Variants in UBE2H observed in about 807,000 individuals in gnomAD.
UBE2H encodes ubiquitin-conjugating enzyme E2 H.
A neutral mutation model predicts 29.0 loss-of-function variants in UBE2H; 3 were observed. That is an observed-to-expected ratio of 0.10 (90% CI 0.05 to 0.27). The LOEUF is 0.27. UBE2H is among the 10% of genes least tolerant of loss of function. The pLI is 1.00. For synonymous variants in UBE2H, 69 were observed against 82.9 expected, an observed-to-expected ratio of 0.83 and a Z score of 0.91; for missense variants, 68 against 228.2, an observed-to-expected ratio of 0.30 and a Z score of 4.52.
At chr7:129,838,221 C>T (rs1805365559) in intron 6 of UBE2H, among the ~76,000 whole-genome samples, 1 of 152,198 alleles carries the variant, frequency 6.6e-6, no homozygotes, top group African/African-American at 2.4e-5. Flanking sequence ...ATCTCAACAA[C>T]AGCTCCAAAC....
intron 1 of UBE2H, among the ~76,000 whole-genome samples, chr7:129,895,806 G>A (rs533847392): frequency 4.0e-5 from 6 of 151,732 alleles, no homozygotes; most frequent in Non-Finnish European, 7.4e-5. Context: ...GGAGAATGGC[G>A]TGGAGCTTGC....
intron 3 of UBE2H, among the ~76,000 whole-genome samples, chr7:129,862,505 A>G (rs967495349): frequency 6.6e-6 from 1 of 152,194 alleles, no homozygotes. Flanking sequence ...AAAGGAGGAA[A>G]ACAGAAATGG....
At chr7:129,928,118 G>T (rs1179198889) in intron 1 of UBE2H, among the ~76,000 whole-genome samples, 2 of 151,248 alleles carry the variant, frequency 1.3e-5, no homozygotes, top group African/African-American at 4.9e-5. Context: ...GGATCATGAG[G>T]TCTGGGGTTC....
chr7:129,852,208 T>C (rs1458401237), intron 5 of UBE2H, among the ~76,000 whole-genome samples: 1 of 152,222 alleles, frequency 6.6e-6, no homozygotes, highest in Non-Finnish European at 1.5e-5. Flanking sequence ...AAAGCATTAT[T>C]TTAAGATATA....
Position 129,834,739 on chromosome 7 carries a change from T to C in UBE2H, c.*198A>G. On this transcript the variant is annotated 3_prime_UTR_variant, in exon 7 of 7. Coordinates refer to ENST00000355621, the MANE Select transcript of UBE2H (RefSeq NM_003344.4). ...TGCTACCAAATGGAATGTGGGAATA[T>C]GCTATGCACCTCAGGTTGAGAAATG... 1 of 593,238 alleles carries C rather than the reference T, an allele frequency of 1.7e-6. No homozygotes were observed. The highest frequency in any genetic ancestry group is 2.7e-6 in the Non-Finnish European group (1 of 365,938). The allele number at this position is 593,238 out of a possible 1,614,324, so 36.7% of individuals were successfully genotyped here. A position where few individuals can be genotyped will look rare whatever the true frequency, so the allele number is the denominator to read the frequency against.
intron 1 of UBE2H, among the ~76,000 whole-genome samples, chr7:129,949,363 T>C (rs768073444): frequency 1.3e-5 from 2 of 152,304 alleles, no homozygotes; most frequent in East Asian, 3.9e-4. Context: ...TACCTGACTT[T>C]GCAAACAAAT....
intron 3 of UBE2H, among the ~76,000 whole-genome samples, chr7:129,875,616 A>AT (rs1305613706): frequency 1.3e-5 from 2 of 152,214 alleles, no homozygotes; most frequent in African/African-American, 4.8e-5. Flanking sequence ...GACAAATCAT[A>AT]TACTGTACTT....
intron 1 of UBE2H, among the ~76,000 whole-genome samples, chr7:129,930,938 G>T (rs993730583): frequency 7.3e-6 from 1 of 136,276 alleles, no homozygotes; most frequent in East Asian, 2.1e-4. Context: ...AAAAAACAAG[G>T]CCGGGCACAG....
chr7:129,863,808 G>GTTTTTTTTTTGTTTGTTT (rs1554432033), intron 3 of UBE2H, among the ~76,000 whole-genome samples: 25 of 136,044 alleles, frequency 1.8e-4, no homozygotes, highest in African/African-American at 6.9e-4. Flanking sequence ...AATACTAGGT[G>GTTTTTTTTTTGTTTGTTT]TTTTTTTTTT....
chr7:129,864,895 G>A, intron 3 of UBE2H: 1 of 237,240 alleles, frequency 4.2e-6, no homozygotes, highest in Non-Finnish European at 8.9e-6. Flanking sequence ...GATTTGACCA[G>A]ATTAAAATCA....
intron 3 of UBE2H, among the ~76,000 whole-genome samples, chr7:129,864,555 TC>T (rs1282205223): frequency 2.0e-3 from 133 of 66,144 alleles, no homozygotes; most frequent in African/African-American, 6.5e-3. Context: ...TTCTTTTCTT[TC>T]TTTTTTTTTT....
At chr7:129,905,622 G>A (rs754710637) in intron 1 of UBE2H, among the ~76,000 whole-genome samples, 2 of 152,126 alleles carry the variant, frequency 1.3e-5, no homozygotes, top group Non-Finnish European at 2.9e-5. Flanking sequence ...AAACAGAGGA[G>A]GAAAAGGATT....
At chr7:129,903,239 T>TA (rs1806752600) in intron 1 of UBE2H, among the ~76,000 whole-genome samples, 1 of 152,234 alleles carries the variant, frequency 6.6e-6, no homozygotes, top group South Asian at 2.1e-4. Flanking sequence ...TTGAACTGAT[T>TA]TTCAGATAAG....
intron 1 of UBE2H, among the ~76,000 whole-genome samples, chr7:129,890,164 A>G (rs1455225175): frequency 4.6e-5 from 7 of 151,952 alleles, no homozygotes; most frequent in African/African-American, 1.7e-4. Flanking sequence ...AATAAGATGA[A>G]CACATGAATG....
chr7:129,909,098 T>G (rs1306501842), intron 1 of UBE2H, among the ~76,000 whole-genome samples: 1 of 152,220 alleles, frequency 6.6e-6, no homozygotes, highest in Non-Finnish European at 1.5e-5. Context: ...GAGTTTTAAT[T>G]GAGACACTAA....
At chr7:129,928,049 T>G (rs924302033) in intron 1 of UBE2H, among the ~76,000 whole-genome samples, 2 of 143,096 alleles carry the variant, frequency 1.4e-5, no homozygotes, top group Non-Finnish European at 3.1e-5. Flanking sequence ...AAAAAAAAAT[T>G]TGGCTGGGCT....
intron 1 of UBE2H, among the ~76,000 whole-genome samples, chr7:129,916,914 G>A (rs934238015): frequency 5.3e-5 from 8 of 152,006 alleles, no homozygotes; most frequent in Admixed American, 3.9e-4. Context: ...GCGGGCGCCT[G>A]TAGTCCCAGC....
At chr7:129,934,961 A>G (rs1243055614) in intron 1 of UBE2H, among the ~76,000 whole-genome samples, 8 of 150,722 alleles carry the variant, frequency 5.3e-5, no homozygotes, top group Admixed American at 1.3e-4. Flanking sequence ...GTGTGTGTAT[A>G]TATATGTGTA....
intron 1 of UBE2H, among the ~76,000 whole-genome samples, chr7:129,886,452 T>C (rs1268507972): frequency 2.0e-5 from 3 of 152,186 alleles, no homozygotes; most frequent in Admixed American, 6.5e-5. Context: ...TTCTGAAATT[T>C]TCCAGAAAGG....
Sources: allele counts gnomAD v4.1 joint callset (sites outside exome capture counted in the v4.1 genomes callset), GRCh38; gene constraint gnomAD v4.1.1; transcripts MANE v1.5; gene names NCBI Gene and HGNC (gene_info 2026-07-23, HGNC 2026-07-21).